Variants in TMEM65 observed in about 807,000 individuals in gnomAD.
TMEM65 encodes transmembrane protein 65.
TMEM65 carries 22 observed loss-of-function variants against 25.4 expected under a neutral mutation model. The observed-to-expected ratio is 0.86, with a 90% CI of 0.62 to 1.23. The LOEUF is 1.23. Ranked by LOEUF, TMEM65 falls within the 50% of genes most tolerant of loss-of-function variation. The probability of loss-of-function intolerance (pLI) is 0.00; values close to 1 mark genes in which losing one functional copy is unlikely to be tolerated. For missense variants in TMEM65, 262 were observed against 308.2 expected (o/e 0.85, Z 1.12); for synonymous variants, 132 against 126.2 (o/e 1.05, Z -0.31).
chr8:124,345,259 C>T (rs1419465972), intron 1 of TMEM65, among the ~76,000 whole-genome samples: 2 of 152,194 alleles, frequency 1.3e-5, no homozygotes, highest in African/African-American at 4.8e-5. Flanking sequence ...CTGTATAGCA[C>T]TTCTATCTGT....
At chr8:124,331,067 TTCTTTAAAG>T (rs1563592256) in intron 1 of TMEM65, among the ~76,000 whole-genome samples, 1 of 151,894 alleles carries the variant, frequency 6.6e-6, no homozygotes, top group Non-Finnish European at 1.5e-5. Flanking sequence ...TTTTTCAGAT[TTCTTTAAAG>T]TCCTTACATC....
intron 1 of TMEM65, among the ~76,000 whole-genome samples, chr8:124,341,368 G>C (rs1814581836): frequency 6.6e-6 from 1 of 151,840 alleles, no homozygotes; most frequent in African/African-American, 2.4e-5. Context: ...AGATTAGAAG[G>C]GAATTATTTA....
chr8:124,315,510 C>A (rs1040585040), intron 6 of TMEM65, among the ~76,000 whole-genome samples: 1 of 151,688 alleles, frequency 6.6e-6, no homozygotes, highest in Non-Finnish European at 1.5e-5. Flanking sequence ...TTTAGTAGAG[C>A]CGGGGTTTCA....
intron 1 of TMEM65, among the ~76,000 whole-genome samples, chr8:124,338,792 T>A (rs1814543591): frequency 6.6e-6 from 1 of 152,202 alleles, no homozygotes; most frequent in African/African-American, 2.4e-5. Flanking sequence ...ATTTCTTTTT[T>A]AAATAAGTTA....
rs373726598 is a variant in TMEM65, at chr8:124,372,629, C to G, written c.-472G>C. 118 of 161,558 alleles carry G rather than the reference C, an allele frequency of 7.3e-4. No individual in the cohort carries two copies. In the East Asian group the frequency reaches 0.013, roughly 18 times the overall value. The allele number at this position is 161,558 out of a possible 1,614,324, so 10.0% of individuals were successfully genotyped here. On this transcript the variant is annotated 5_prime_UTR_variant, in exon 1 of 7. Coordinates refer to ENST00000297632, the MANE Select transcript of TMEM65 (RefSeq NM_194291.3). ...CCACGTCCCCACTCTGTAAGGTTCCCGAGCCCTCAAAGCAGCCGCGCTCCC... is the reference window on the plus strand; with the variant it reads ...CCACGTCCCCACTCTGTAAGGTTCCGGAGCCCTCAAAGCAGCCGCGCTCCC...
At chr8:124,328,053 CT>C (rs1814388777) in intron 2 of TMEM65, among the ~76,000 whole-genome samples, 2 of 152,138 alleles carry the variant, frequency 1.3e-5, no homozygotes, top group African/African-American at 2.4e-5. Flanking sequence ...CAAACTATCA[CT>C]TCACCTCTTG....
At chr8:124,343,157 A>T (rs1005451836) in intron 1 of TMEM65, among the ~76,000 whole-genome samples, 12 of 152,174 alleles carry the variant, frequency 7.9e-5, no homozygotes, top group Non-Finnish European at 1.5e-4. Context: ...TTCTACAAAC[A>T]CAATGGCATT....
intron 1 of TMEM65, among the ~76,000 whole-genome samples, chr8:124,332,631 A>G (rs1814446139): frequency 6.6e-6 from 1 of 152,146 alleles, no homozygotes; most frequent in African/African-American, 2.4e-5. Flanking sequence ...GAAATATAAA[A>G]TAAAGGAGAT....
At position 124,314,846 on chromosome 8, in the gene TMEM65, T is replaced by A. The variant is rs557429356; in HGVS notation, c.622-785A>T. Reference sequence around the variant, plus strand: ...AGATAATTTTGTTACTTTTATTATTTTTTTTTTTTGTAGAGCCAGGGTCTC... The same window carrying A: ...AGATAATTTTGTTACTTTTATTATTATTTTTTTTTGTAGAGCCAGGGTCTC... On this transcript the variant is annotated intron_variant, in intron 6 of 6. Coordinates refer to ENST00000297632, the MANE Select transcript of TMEM65 (RefSeq NM_194291.3). 2.0e-3 allele frequency among the ~76,000 whole-genome samples: 304 copies of A among 151,736 alleles called. 1 individual carries two copies. Among genetic ancestry groups the A allele is most frequent in the African/African-American group, 2.8e-3 (117 of 41,474 alleles).
At chr8:124,328,049 A>G (rs1175984066) in intron 2 of TMEM65, among the ~76,000 whole-genome samples, 1 of 152,124 alleles carries the variant, frequency 6.6e-6, no homozygotes, top group Non-Finnish European at 1.5e-5. Flanking sequence ...AAATCAAACT[A>G]TCACTTCACC....
chr8:124,337,338 G>GA (rs1218022930), intron 1 of TMEM65, among the ~76,000 whole-genome samples: 1 of 151,860 alleles, frequency 6.6e-6, no homozygotes, highest in Non-Finnish European at 1.5e-5. Flanking sequence ...ACAAAGAAGA[G>GA]AAAACCAGAT....
intron 6 of TMEM65, among the ~76,000 whole-genome samples, chr8:124,318,713 A>G (rs1466716944): frequency 6.6e-6 from 1 of 152,128 alleles, no homozygotes; most frequent in Non-Finnish European, 1.5e-5. Flanking sequence ...TCTAAGATGA[A>G]GACTGAGTGT....
At chr8:124,315,369 T>TG (rs1301507162) in intron 6 of TMEM65, among the ~76,000 whole-genome samples, 2 of 152,040 alleles carry the variant, frequency 1.3e-5, no homozygotes, top group Non-Finnish European at 2.9e-5. Flanking sequence ...TGGCCCAGGT[T>TG]GGAGTGCAGT....
chr8:124,319,631 A>T (rs1353809536), intron 6 of TMEM65, among the ~76,000 whole-genome samples: 2 of 152,018 alleles, frequency 1.3e-5, no homozygotes, highest in East Asian at 3.8e-4. Flanking sequence ...CTTAGATCTA[A>T]TAATAACCAA....
intron 1 of TMEM65, among the ~76,000 whole-genome samples, chr8:124,363,856 A>C (rs1449113410): frequency 6.6e-6 from 1 of 150,578 alleles, no homozygotes; most frequent in East Asian, 1.9e-4. Context: ...AAAAAAAAAA[A>C]AAAAAAAAAA....
intron 2 of TMEM65, among the ~76,000 whole-genome samples, chr8:124,328,385 A>G (rs1814393304): frequency 1.3e-5 from 2 of 151,808 alleles, no homozygotes; most frequent in East Asian, 3.9e-4. Context: ...GCCTGGCAAC[A>G]GAGCAAGACT....
At chr8:124,343,303 T>C (rs116914491) in intron 1 of TMEM65, among the ~76,000 whole-genome samples, 2,030 of 152,238 alleles carry the variant, frequency 0.013, 140 homozygotes, top group Admixed American at 0.11. Context: ...TCCCTGATAA[T>C]AGAACCTCAT....
At chr8:124,364,824 A>G (rs1814917195) in intron 1 of TMEM65, among the ~76,000 whole-genome samples, 1 of 152,192 alleles carries the variant, frequency 6.6e-6, no homozygotes, top group African/African-American at 2.4e-5. Context: ...ACAAGGCTAC[A>G]GTCCTGTAAA....
In TMEM65 at chr8:124,312,536, C is replaced by G. The variant is rs1814176733; in HGVS notation, c.*1424G>C. 1 of 131,582 alleles carries G rather than the reference C, an allele frequency of 7.6e-6. No individual in the cohort carries two copies. Among genetic ancestry groups the G allele is most frequent in the South Asian group, 2.8e-4 (1 of 3,632 alleles). 8.2% of individuals were successfully genotyped at this position (131,582 alleles called of 1,614,324 possible). ...TAGCAACACAAATAACTTCAAAAGC[C>G]AAAATACTATTTTAATTTTAAGTTT... On this transcript the variant is annotated 3_prime_UTR_variant, in exon 7 of 7. Coordinates refer to ENST00000297632, the MANE Select transcript of TMEM65 (RefSeq NM_194291.3).
Sources: gnomAD v4.1 joint callset for allele counts (sites outside exome capture counted in the v4.1 genomes callset) on GRCh38, gnomAD v4.1.1 for gene constraint, MANE v1.5 for transcripts, NCBI Gene and HGNC (gene_info 2026-07-23, HGNC 2026-07-21) for gene names.